The following NIN variants were observed in gnomAD, a reference collection of about 807,000 sequenced individuals.
The protein encoded by NIN is ninein.
In NIN, 137 loss-of-function variants were observed where a neutral mutation model predicts 257.6. That is an observed-to-expected ratio of 0.53 (90% CI 0.46 to 0.61). The LOEUF is 0.61. Among genes scored for constraint, NIN ranks in the 20% least tolerant of loss-of-function variants. The probability of loss-of-function intolerance (pLI) is 0.00; values close to 1 mark genes in which losing one functional copy is unlikely to be tolerated. For missense variants in NIN, 2,439 were observed against 2,501.2 expected (o/e 0.98, Z 0.53); for synonymous variants, 918 against 919.8 (o/e 1.00, Z 0.04).
chr14:50,732,901 T>TG (rs2040790402), intron 28 of NIN, among the ~76,000 whole-genome samples: 1 of 151,402 alleles, frequency 6.6e-6, no homozygotes, highest in African/African-American at 2.4e-5. Context: ...CCAATAACAC[T>TG]GTTTTTAAAA....
At position 50,743,514 on chromosome 14, in the gene NIN, G is replaced by T. The variant is rs1208202017; in HGVS notation, c.5203C>A (p.Leu1735Ile). 2.5e-6 allele frequency: 4 copies of T among 1,612,802 alleles called. No individual in the cohort carries two copies. The highest frequency in any genetic ancestry group is 1.7e-5 in the Admixed American group (1 of 59,994). The change falls in exon 24 of 31, where the codon CTT becomes ATT. Residue 1735 changes from leucine to isoleucine, a missense_variant. Leu to Ile is a conservative substitution (Grantham distance 5). This residue lies in a region of NIN where 2,043 missense variants were observed against 2,050.2 expected (regional missense o/e 1.00). Transcript: ENST00000530997. ...SCVDKLAKSS[L>I]LEHRIATMKQ... is the part of the protein sequence containing the mutation. ...ATCGTCGCAATTCTATGCTCTAAAA[G>T]ACTTGATTTTGCCAACTGTTTCAGG...
At chr14:50,772,151 T>TA (rs1034005429) in intron 9 of NIN, 150 bp downstream of exon 9, 258 of 694,852 alleles carry the variant, frequency 3.7e-4, no homozygotes, top group South Asian at 9.9e-4. Flanking sequence ...TTAAAAGGGC[T>TA]AAAAAAAAAG....
chr14:50,788,873 T>G (rs1292318615), intron 5 of NIN, among the ~76,000 whole-genome samples: 1 of 152,186 alleles, frequency 6.6e-6, no homozygotes, highest in African/African-American at 2.4e-5. Flanking sequence ...GTAGCAACAG[T>G]CAGATTTCCC....
At chr14:50,739,243 A>C in intron 26 of NIN, 65 bp downstream of exon 26, 1 of 1,488,412 alleles carries the variant, frequency 6.7e-7, no homozygotes, top group South Asian at 1.2e-5. Context: ...CATATCCAAC[A>C]TTCATTTTCC....
intron 22 of NIN, 150 bp downstream of exon 22, chr14:50,747,842 T>A (rs1266988851): frequency 1.7e-6 from 1 of 595,738 alleles, no homozygotes; most frequent in African/African-American, 1.9e-5. Flanking sequence ...CTTTAGGTCC[T>A]CAACTTTGCC....
At chr14:50,732,009 C>T (rs561490871) in intron 28 of NIN, among the ~76,000 whole-genome samples, 1 of 152,248 alleles carries the variant, frequency 6.6e-6, no homozygotes, top group South Asian at 2.1e-4. Context: ...TAGTCTGTAA[C>T]CCTTTTGTTG....
In NIN at chr14:50,734,196, TCTC is replaced by T. The variant is rs1445302428; in HGVS notation, c.5877+1317_5877+1319del. On this transcript the variant is annotated intron_variant, in intron 28 of 30. Transcript: ENST00000530997. ...CCTCCGCCTCCCAGGTTCAAGCAGTTCTCCTGCCTCAGCCTCCCAAGTAGCTAG... is the reference window on the plus strand; with the variant it reads ...CCTCCGCCTCCCAGGTTCAAGCAGTTCTGCCTCAGCCTCCCAAGTAGCTAG... 2.0e-5 allele frequency among the ~76,000 whole-genome samples: 3 copies of T among 152,010 alleles called. No individual in the cohort carries two copies. The East Asian group carries it at 5.8e-4, about 29-fold the overall frequency.
intron 2 of NIN, among the ~76,000 whole-genome samples, chr14:50,826,380 G>A (rs2045458977): frequency 6.6e-6 from 1 of 152,190 alleles, no homozygotes; most frequent in African/African-American, 2.4e-5. Flanking sequence ...ATAAGAAGCA[G>A]ATGCACAGAA....
At position 50,725,996 on chromosome 14, in the gene NIN, A is replaced by G. The variant is rs1229448206; in HGVS notation, c.6149T>C (p.Val2050Ala). 3 of 1,613,998 alleles carry G rather than the reference A, an allele frequency of 1.9e-6. No individual in the cohort carries two copies. Among genetic ancestry groups the G allele is most frequent in the Non-Finnish European group, 2.5e-6 (3 of 1,179,988 alleles). The change falls in exon 30 of 31, where the codon GTG becomes GCG. Residue 2050 changes from valine to alanine, a missense_variant. Val to Ala is a moderately conservative substitution (Grantham distance 64, BLOSUM62 0). Coordinates refer to ENST00000530997, the MANE Select transcript of NIN (RefSeq NM_020921.4). ...CACTTTCTCTTGAAGAAGCCTTTTC[A>G]CTAGTTTCAGTTTCTGTTCAACTTC... ...MIEVEQKLKL[V>A]KRLLQEKVNQ...
At chr14:50,736,140 C>CT (rs757965644) in intron 27 of NIN, among the ~76,000 whole-genome samples, 36 of 147,900 alleles carry the variant, frequency 2.4e-4, no homozygotes, top group East Asian at 1.6e-3. Flanking sequence ...TCGTGAGTAC[C>CT]TTTTTTTTTT....
In NIN at chr14:50,726,697, C is replaced by T. The variant is rs139004316; in HGVS notation, c.6079-631G>A. 4.0e-3 allele frequency among the ~76,000 whole-genome samples: 609 copies of T among 152,298 alleles called. 2 individuals carry two copies. Among genetic ancestry groups the T allele is most frequent in the Non-Finnish European group, 6.5e-3 (444 of 68,032 alleles). On this transcript the variant is annotated intron_variant, in intron 29 of 30. Coordinates refer to ENST00000530997, the MANE Select transcript of NIN (RefSeq NM_020921.4). Reference sequence around the variant, plus strand: ...GATTGAAAATGAAAAATCTCCTGTTCTCACACAACGGTGATGGGTTAAGGA... The same window carrying T: ...GATTGAAAATGAAAAATCTCCTGTTTTCACACAACGGTGATGGGTTAAGGA...
intron 7 of NIN, among the ~76,000 whole-genome samples, chr14:50,776,193 A>G (rs1020287116): frequency 6.6e-6 from 1 of 152,154 alleles, no homozygotes; most frequent in Non-Finnish European, 1.5e-5. Context: ...TGAAAGGCAC[A>G]TCTTAGAATT....
intron 5 of NIN, among the ~76,000 whole-genome samples, chr14:50,785,171 A>G (rs916222911): frequency 6.6e-6 from 1 of 152,242 alleles, no homozygotes; most frequent in Non-Finnish European, 1.5e-5. Context: ...GATTTCTGGA[A>G]TGCTTTCTTT....
chr14:50,755,851 A>G (rs1263982145), intron 18 of NIN, among the ~76,000 whole-genome samples: 1 of 151,736 alleles, frequency 6.6e-6, no homozygotes, highest in African/African-American at 2.4e-5. Flanking sequence ...ATTTTTCTGT[A>G]GAGGCAGTCT....
chr14:50,742,682 C>T (rs1229722132), intron 24 of NIN, among the ~76,000 whole-genome samples: 2 of 152,118 alleles, frequency 1.3e-5, no homozygotes, highest in East Asian at 3.9e-4. Flanking sequence ...GCGTGAGTCA[C>T]CGTGCCTGGC....
intron 20 of NIN, among the ~76,000 whole-genome samples, chr14:50,753,105 A>G (rs1566805334): frequency 1.3e-5 from 2 of 152,214 alleles, no homozygotes; most frequent in Non-Finnish European, 2.9e-5. Flanking sequence ...TTACTTACTT[A>G]AAGACTCTTT....
At chr14:50,815,985 C>T (rs1036244168) in intron 3 of NIN, among the ~76,000 whole-genome samples, 10 of 152,080 alleles carry the variant, frequency 6.6e-5, no homozygotes, top group African/African-American at 2.2e-4. Context: ...CAGCCTGGGG[C>T]GACAGGGCGA....
chr14:50,754,673 T>C, intron 19 of NIN, 41 bp from the exon 20 acceptor site: 1 of 1,591,326 alleles, frequency 6.3e-7, no homozygotes, highest in Non-Finnish European at 8.6e-7. Flanking sequence ...GGTTAGGCTT[T>C]AAAAGCTGAA....
chr14:50,760,056 C>G lies in NIN; in HGVS notation c.2200G>C (p.Ala734Pro). 4 of 1,614,168 alleles carry G rather than the reference C, an allele frequency of 2.5e-6. No individual in the cohort carries two copies. Among genetic ancestry groups the G allele is most frequent in the Non-Finnish European group, 3.4e-6 (4 of 1,180,026 alleles). ...EMELKARLTQ[A>P]QASFEREREG... ...CTCTCCCGCTCAAAGCTTGCTTGAG[C>G]CTGTGTCAGTCTAGCCTTGAGCTCC... is the stretch of plus-strand genomic sequence containing the variant. Residue 734 changes from alanine to proline, a missense_variant, in exon 17 of 31, where the codon GCT becomes CCT. Transcript: ENST00000530997.
Sources: gnomAD v4.1 joint callset for allele counts (sites outside exome capture counted in the v4.1 genomes callset) on GRCh38, gnomAD v4.1.1 for gene constraint, gnomAD v4.1.1 regional missense constraint, MANE v1.5 for transcripts, NCBI Gene and HGNC (gene_info 2026-07-23, HGNC 2026-07-21) for gene names.